Variants in AVEN observed in about 807,000 individuals in gnomAD.
AVEN encodes cell death regulator Aven.
Under a neutral mutation model 38.1 loss-of-function variants are expected in AVEN, and 41 were observed. The ratio of observed to expected loss-of-function variants is 1.08; its 90% CI spans 0.84 to 1.40. The LOEUF (loss-of-function observed/expected upper bound fraction) is 1.40, where lower values mean the gene tolerates loss of function less well. Ranked by LOEUF, AVEN falls within the 40% of genes most tolerant of loss-of-function variation. AVEN has a pLI of 0.00. For synonymous variants in AVEN, 206 were observed against 171.8 expected (o/e 1.20, Z -1.56); for missense variants, 605 against 438.8 (o/e 1.38, Z -3.38).
At chr15:33,901,398 T>C (rs1456027823) in intron 2 of AVEN, among the ~76,000 whole-genome samples, 1 of 152,124 alleles carries the variant, frequency 6.6e-6, no homozygotes, top group Non-Finnish European at 1.5e-5. Context: ...ACACGTTTTA[T>C]CTATTTGCCC....
At chr15:33,946,358 C>T (rs961935259) in intron 2 of AVEN, among the ~76,000 whole-genome samples, 1 of 152,096 alleles carries the variant, frequency 6.6e-6, no homozygotes, top group East Asian at 1.9e-4. Flanking sequence ...AGTCACTCCC[C>T]CTCATCTCCT....
chr15:33,865,272 T>A (rs1286479707), downstream of AVEN: 6 of 1,351,390 alleles, frequency 4.4e-6, no homozygotes, highest in South Asian at 3.6e-5. Flanking sequence ...CAACTTCCCA[T>A]GAAATAAAGT....
intron 3 of AVEN, among the ~76,000 whole-genome samples, chr15:33,874,938 C>G (rs1325085092): frequency 1.3e-5 from 2 of 152,216 alleles, no homozygotes; most frequent in African/African-American, 2.4e-5. Flanking sequence ...AACAGTACCT[C>G]AGGCGTAGGC....
chr15:33,965,884 C>T (rs1895362786), intron 2 of AVEN, among the ~76,000 whole-genome samples: 1 of 151,678 alleles, frequency 6.6e-6, no homozygotes. Flanking sequence ...TGCTTCAAAG[C>T]AGAAAGTTCA....
downstream of AVEN, chr15:33,856,730 C>G (rs2079707953): frequency 6.5e-6 from 1 of 152,782 alleles, no homozygotes; most frequent in Non-Finnish European, 1.5e-5. Context: ...GCGATCTCAG[C>G]TTACTGCAAC....
chr15:33,907,613 C>G (rs893404687), intron 2 of AVEN, among the ~76,000 whole-genome samples: 4 of 152,072 alleles, frequency 2.6e-5, no homozygotes, highest in African/African-American at 9.7e-5. Flanking sequence ...TTTCATGTTG[C>G]TATCTGCCTT....
At chr15:33,925,646 A>C (rs1487267555) in intron 2 of AVEN, among the ~76,000 whole-genome samples, 1 of 152,146 alleles carries the variant, frequency 6.6e-6, no homozygotes, top group Non-Finnish European at 1.5e-5. Flanking sequence ...GATACTACTA[A>C]CTAGTAAGAC....
chr15:34,032,786 T>G (rs970046949), intron 1 of AVEN, among the ~76,000 whole-genome samples: 1 of 152,186 alleles, frequency 6.6e-6, no homozygotes, highest in African/African-American at 2.4e-5. Context: ...CTGGCTGTAT[T>G]CCCCAAGCCT....
intron 2 of AVEN, among the ~76,000 whole-genome samples, chr15:33,923,917 C>G (rs1466904619): frequency 6.6e-6 from 1 of 151,370 alleles, no homozygotes; most frequent in East Asian, 1.9e-4. Flanking sequence ...CCATCACCCC[C>G]AGGTGTGACT....
chr15:33,931,857 T>G (rs1267243566), intron 2 of AVEN, among the ~76,000 whole-genome samples: 1 of 152,146 alleles, frequency 6.6e-6, no homozygotes, highest in Non-Finnish European at 1.5e-5. Flanking sequence ...GATTTGCAAT[T>G]GGGAAAAATA....
chr15:33,925,809 AATTAT>A (rs1893586054), intron 2 of AVEN, among the ~76,000 whole-genome samples: 1 of 151,956 alleles, frequency 6.6e-6, no homozygotes, highest in African/African-American at 2.4e-5. Context: ...AAGTTTTTAT[AATTAT>A]ATTTTATTTA....
At chr15:33,986,940 A>G (rs556970663) in intron 2 of AVEN, among the ~76,000 whole-genome samples, 4 of 152,338 alleles carry the variant, frequency 2.6e-5, no homozygotes, top group Admixed American at 2.0e-4. Context: ...TACAGGCATG[A>G]GCCACCGCGC....
chr15:33,954,917 A>G (rs1291419398), intron 2 of AVEN, among the ~76,000 whole-genome samples: 1 of 152,192 alleles, frequency 6.6e-6, no homozygotes, highest in Non-Finnish European at 1.5e-5. Context: ...TCTACCCAGA[A>G]AAGTCCTTGA....
intron 2 of AVEN, among the ~76,000 whole-genome samples, chr15:33,920,775 CTTTT>C (rs36067823): frequency 6.6e-6 from 1 of 150,992 alleles, no homozygotes; most frequent in African/African-American, 2.4e-5. Context: ...AATATACTTC[CTTTT>C]TTTTTAGATG....
chr15:33,905,207 A>T (rs945207482), intron 2 of AVEN, among the ~76,000 whole-genome samples: 2 of 42,282 alleles, frequency 4.7e-5, no homozygotes, highest in Admixed American at 8.8e-4. Flanking sequence ...GTGTCAAAAC[A>T]AAACAAACAA....
intron 2 of AVEN, among the ~76,000 whole-genome samples, chr15:33,919,052 C>G (rs1456292095): frequency 6.6e-6 from 1 of 151,710 alleles, no homozygotes; most frequent in African/African-American, 2.4e-5. Context: ...TCCCGAGTAG[C>G]TGGGATTACA....
chr15:33,856,355 C>G (rs560216149), downstream of AVEN: 3 of 152,406 alleles, frequency 2.0e-5, no homozygotes, highest in African/African-American at 7.2e-5. Context: ...AGCTCTGATC[C>G]TGTTGATCTT....
intron 2 of AVEN, among the ~76,000 whole-genome samples, chr15:33,904,515 G>A (rs1185687281): frequency 6.6e-6 from 1 of 151,846 alleles, no homozygotes; most frequent in Non-Finnish European, 1.5e-5. Flanking sequence ...GGGTTCAAAC[G>A]ATTCTCCTGC....
At chr15:33,873,498 A>G (rs546295758) in intron 3 of AVEN, among the ~76,000 whole-genome samples, 62 of 148,184 alleles carry the variant, frequency 4.2e-4, no homozygotes, top group South Asian at 6.3e-4. Context: ...TATATAATAT[A>G]TAATATATAT....
Sources: gnomAD v4.1 joint callset for allele counts (sites outside exome capture counted in the v4.1 genomes callset) on GRCh38, gnomAD v4.1.1 for gene constraint, MANE v1.5 for transcripts, NCBI Gene and HGNC (gene_info 2026-07-23, HGNC 2026-07-21) for gene names.